Variants in LANCL1 observed in about 807,000 individuals in gnomAD.
LANCL1 encodes the protein LanC like glutathione S-transferase 1, also known as glutathione S-transferase LANCL1.
In LANCL1, 50 loss-of-function variants were observed where a neutral mutation model predicts 50.6. That is an observed-to-expected ratio of 0.99 (90% CI 0.79 to 1.25). LANCL1 has a LOEUF of 1.25. Among genes scored for constraint, LANCL1 ranks in the 50% most tolerant of loss-of-function variants. LANCL1 has a pLI of 0.00. For missense variants in LANCL1, 532 were observed against 480.7 expected, an observed-to-expected ratio of 1.11 and a Z score of -1.00; for synonymous variants, 188 against 178.6, an observed-to-expected ratio of 1.05 and a Z score of -0.42.
chr2:210,455,331 G>T lies in LANCL1; in HGVS notation c.200-17C>A. On this transcript the variant is annotated splice_polypyrimidine_tract_variant and intron_variant, in intron 3 of 9. Coordinates refer to ENST00000450366, the MANE Select transcript of LANCL1 (RefSeq NM_006055.3). Reference sequence around the variant, plus strand: ...CAGCAATACCTGAAAAAAAAAAAAGGAAACAATGTAAAGATGAGGAAAGGC... The same window carrying T: ...CAGCAATACCTGAAAAAAAAAAAAGTAAACAATGTAAAGATGAGGAAAGGC... 2 of 933,410 alleles carry T rather than the reference G, an allele frequency of 2.1e-6. No individual in the cohort carries two copies. Among genetic ancestry groups the T allele is most frequent in the Non-Finnish European group, 1.6e-6 (1 of 617,120 alleles). 57.8% of individuals were successfully genotyped at this position (933,410 alleles called of 1,614,324 possible).
rs1196757058 is a variant in LANCL1, at chr2:210,432,059, A to G, written c.*2428T>C. 1.3e-5 allele frequency: 2 copies of G among 152,178 alleles called. No individual in the cohort carries two copies. The highest frequency in any genetic ancestry group is 2.9e-5 in the Non-Finnish European group (2 of 68,034). 9.4% of individuals were successfully genotyped at this position (152,178 alleles called of 1,614,324 possible). On this transcript the variant is annotated 3_prime_UTR_variant, in exon 10 of 10. Coordinates refer to ENST00000450366, the MANE Select transcript of LANCL1 (RefSeq NM_006055.3). ...TTCTGGGAAAGATTTTTAAAGAAGA[A>G]AAATATCTGAGAGAAAAATACAAAC...
At chr2:210,474,579 A>C (rs1181437990) in intron 2 of LANCL1, among the ~76,000 whole-genome samples, 1 of 150,984 alleles carries the variant, frequency 6.6e-6, no homozygotes, top group Non-Finnish European at 1.5e-5. Context: ...AAAAAAAATT[A>C]GCCAGGTGCG....
At chr2:210,441,585 CGG>C in intron 4 of LANCL1, 142 bp from the exon 5 acceptor site, 2 of 602,022 alleles carry the variant, frequency 3.3e-6, no homozygotes, top group East Asian at 5.8e-5. Flanking sequence ...AGAACAGTCA[CGG>C]TTCACAGATT....
chr2:210,467,830 C>T lies in LANCL1; in HGVS notation c.199+4129G>A, dbSNP rs182149716. Among the ~76,000 whole-genome samples the T allele has an allele frequency of 1.3e-3, 195 of 152,284 alleles. 2 individuals are homozygous for T. Among genetic ancestry groups the T allele is most frequent in the African/African-American group, 4.4e-3 (183 of 41,544 alleles). On this transcript the variant is annotated intron_variant, in intron 3 of 9. Transcript: ENST00000450366. ...TGAGCAACTAAGACAAATCTAGACA[C>T]ACCATGAATGAGGTATTAAGAAGTT...
intron 3 of LANCL1, among the ~76,000 whole-genome samples, chr2:210,463,025 G>C (rs1242692419): frequency 6.6e-6 from 1 of 152,128 alleles, no homozygotes; most frequent in Non-Finnish European, 1.5e-5. Flanking sequence ...GAGGCTGAGA[G>C]TAAACACACA....
At chr2:210,461,564 C>T (rs903400516) in intron 3 of LANCL1, among the ~76,000 whole-genome samples, 1 of 152,192 alleles carries the variant, frequency 6.6e-6, no homozygotes, top group African/African-American at 2.4e-5. Context: ...ACTATAATGA[C>T]TTGCATTTAG....
At chr2:210,445,996 A>C (rs1693313314) in intron 4 of LANCL1, among the ~76,000 whole-genome samples, 1 of 152,222 alleles carries the variant, frequency 6.6e-6, no homozygotes, top group Non-Finnish European at 1.5e-5. Flanking sequence ...TCTCCCTAGG[A>C]CAGAGCACCT....
chr2:210,461,383 T>TG (rs3214411), intron 3 of LANCL1, among the ~76,000 whole-genome samples: 62,551 of 151,770 alleles, frequency 0.41, 14,098 homozygotes, highest in East Asian at 0.61. Context: ...ACTGAAATGC[T>TG]GGCTCTGATG....
intron 3 of LANCL1, among the ~76,000 whole-genome samples, chr2:210,461,753 T>TC (rs138800835): frequency 0.13 from 19,943 of 151,742 alleles, 1,685 homozygotes; most frequent in African/African-American, 0.22. Flanking sequence ...TATGTATTTT[T>TC]TTTTTTAAGT....
chr2:210,435,552 A>C (rs1448134176), intron 8 of LANCL1, 93 bp from the exon 9 acceptor site: 1 of 886,502 alleles, frequency 1.1e-6, no homozygotes, highest in African/African-American at 1.7e-5. Flanking sequence ...ACTCTGAAAA[A>C]TCAAACACTA....
At chr2:210,453,000 T>A (rs968227731) in intron 4 of LANCL1, among the ~76,000 whole-genome samples, 12 of 152,198 alleles carry the variant, frequency 7.9e-5, no homozygotes, top group African/African-American at 2.9e-4. Flanking sequence ...TTTCTAGATT[T>A]TTCCTTTGAA....
chr2:210,476,066 C>T (rs907568999), intron 2 of LANCL1, among the ~76,000 whole-genome samples: 1 of 151,964 alleles, frequency 6.6e-6, no homozygotes, highest in African/African-American at 2.4e-5. Context: ...TACATATTTG[C>T]CAATTTTTAA....
chr2:210,463,346 G>A (rs1305496245), intron 3 of LANCL1, among the ~76,000 whole-genome samples: 1 of 152,048 alleles, frequency 6.6e-6, no homozygotes, highest in African/African-American at 2.4e-5. Context: ...GAGTAGCTGG[G>A]ATTACAAGCA....
At chr2:210,471,613 A>G (rs1313739503) in intron 3 of LANCL1, 11 of 481,332 alleles carry the variant, frequency 2.3e-5, no homozygotes, top group Non-Finnish European at 4.5e-5. Flanking sequence ...CGCTTCAGGC[A>G]TTGTATTTTG....
In LANCL1 at chr2:210,445,768, A is replaced by T. The variant is rs148641611; in HGVS notation, c.408-4325T>A. Among the ~76,000 whole-genome samples the T allele has an allele frequency of 4.9e-4, 74 of 152,328 alleles. No homozygotes were observed. The East Asian group carries it at 0.013, about 27-fold the overall frequency. On this transcript the variant is annotated intron_variant, in intron 4 of 9. Coordinates refer to ENST00000450366, the MANE Select transcript of LANCL1 (RefSeq NM_006055.3). Reference sequence around the variant, plus strand: ...AACCCATCTTTAGAAGAGATAGCCAAGTCACTGAAATGTCACTGAAAGAAG... The same window carrying T: ...AACCCATCTTTAGAAGAGATAGCCATGTCACTGAAATGTCACTGAAAGAAG...
At position 210,455,327 on chromosome 2, in the gene LANCL1, A is replaced by AAG. The variant is rs748481506; in HGVS notation, c.200-14_200-13insCT. The AAG allele has an allele frequency of 1.3e-6, 2 of 1,594,310 alleles. No homozygotes were observed. The highest frequency in any genetic ancestry group is 1.7e-6 in the Non-Finnish European group (2 of 1,171,758). On this transcript the variant is annotated splice_polypyrimidine_tract_variant and intron_variant, in intron 3 of 9. Coordinates refer to ENST00000450366, the MANE Select transcript of LANCL1 (RefSeq NM_006055.3). ...AGCACAGCAATACCTGAAAAAAAAA[A>AAG]AAGGAAACAATGTAAAGATGAGGAA...
intron 3 of LANCL1, among the ~76,000 whole-genome samples, chr2:210,460,273 C>G (rs1182732618): frequency 6.6e-6 from 1 of 152,068 alleles, no homozygotes; most frequent in East Asian, 1.9e-4. Context: ...TTCATGTACT[C>G]TGGTAGGGAA....
At chr2:210,434,789 C>CATCCTATGGCTTTT (rs1692866372) in intron 9 of LANCL1, among the ~76,000 whole-genome samples, 1 of 152,110 alleles carries the variant, frequency 6.6e-6, no homozygotes, top group Non-Finnish European at 1.5e-5. Context: ...CCTCCTTCGG[C>CATCCTATGGCTTTT]ATCCTATGGC....
intron 3 of LANCL1, among the ~76,000 whole-genome samples, chr2:210,463,223 T>C (rs532882814): frequency 1.1e-3 from 160 of 152,262 alleles, no homozygotes; most frequent in African/African-American, 3.9e-3. Context: ...TATTTATTTT[T>C]TTTTTTGGAG....
Sources: gnomAD v4.1 joint callset for allele counts (sites outside exome capture counted in the v4.1 genomes callset) on GRCh38, gnomAD v4.1.1 for gene constraint, MANE v1.5 for transcripts, NCBI Gene and HGNC (gene_info 2026-07-23, HGNC 2026-07-21) for gene names.